The following MCM9 variants were observed in gnomAD, a reference collection of about 807,000 sequenced individuals.
MCM9 encodes the protein DNA helicase MCM9.
Under a neutral mutation model 72.8 loss-of-function variants are expected in MCM9, and 55 were observed. The ratio of observed to expected loss-of-function variants is 0.76; its 90% CI spans 0.61 to 0.95. The LOEUF is 0.95. Ranked by LOEUF, MCM9 falls within the 40% of genes least tolerant of loss-of-function variation. The pLI, the probability that MCM9 is intolerant of heterozygous loss-of-function variation, is 0.00. For synonymous variants in MCM9, 480 were observed against 503.4 expected, an observed-to-expected ratio of 0.95 and a Z score of 0.62; for missense variants, 1,279 against 1,377.0, an observed-to-expected ratio of 0.93 and a Z score of 1.13.
rs1020177576 is a variant in MCM9 at position 118,813,725 on chromosome 6, C to T, written c.*1099G>A. 3.3e-5 allele frequency: 5 copies of T among 152,100 alleles called. No individual in the cohort carries two copies. The highest frequency in any genetic ancestry group is 1.2e-4 in the African/African-American group (5 of 41,414). 9.4% of individuals were successfully genotyped at this position (152,100 alleles called of 1,614,324 possible). Reference sequence around the variant, plus strand: ...AAAGGAATAAGTGATTTTAAAAGCACATAGAAAGACAAAGCTTGAGGTTAT... The same window carrying T: ...AAAGGAATAAGTGATTTTAAAAGCATATAGAAAGACAAAGCTTGAGGTTAT... On this transcript the variant is annotated 3_prime_UTR_variant, in exon 14 of 14. Coordinates refer to ENST00000619706, the MANE Select transcript of MCM9 (RefSeq NM_017696.3).
At chr6:118,819,581 CT>C (rs1321349067) in intron 13 of MCM9, among the ~76,000 whole-genome samples, 3 of 151,274 alleles carry the variant, frequency 2.0e-5, no homozygotes, top group Non-Finnish European at 4.4e-5. Context: ...CCGAAATTTT[CT>C]TTTTTTATTG....
At position 118,911,706 on chromosome 6, in the gene MCM9, G is replaced by A; in HGVS notation, c.1094C>T (p.Ala365Val). Residue 365 changes from alanine (A) to valine (V), a missense_variant, in exon 8 of 14, where the codon GCA becomes GTA. Transcript: ENST00000619706. ...GTGKSQFLKYAAKITPRSVLT... is the reference protein window; with the variant it reads ...GTGKSQFLKYVAKITPRSVLT... Reference sequence around the variant, plus strand: ...CACAGATCTTGGTGTAATCTTTGCTGCATATTTGAGGAACTGAGATTTCCC... The same window carrying A: ...CACAGATCTTGGTGTAATCTTTGCTACATATTTGAGGAACTGAGATTTCCC... 2 of 1,613,706 alleles carry A rather than the reference G, an allele frequency of 1.2e-6. No homozygotes were observed. Among genetic ancestry groups the A allele is most frequent in the Non-Finnish European group, 1.7e-6 (2 of 1,179,826 alleles).
intron 8 of MCM9, among the ~76,000 whole-genome samples, chr6:118,867,023 C>T (rs1041380945): frequency 8.6e-5 from 13 of 151,320 alleles, no homozygotes; most frequent in Admixed American, 5.3e-4. Context: ...TGAGATGATA[C>T]ATTCAACATC....
intron 8 of MCM9, among the ~76,000 whole-genome samples, chr6:118,906,760 A>G (rs574488526): frequency 6.6e-6 from 1 of 152,344 alleles, no homozygotes; most frequent in East Asian, 1.9e-4. Context: ...CAGTTTGGTA[A>G]CTGGTGATTT....
intron 8 of MCM9, among the ~76,000 whole-genome samples, chr6:118,871,679 G>C (rs918504013): frequency 6.6e-6 from 1 of 152,166 alleles, no homozygotes; most frequent in Non-Finnish European, 1.5e-5. Context: ...CACACTGGGA[G>C]GCCAAGGCGG....
At position 118,931,710 on chromosome 6, in the gene MCM9, T is replaced by G. The variant is rs775745442; in HGVS notation, c.14A>C (p.Gln5Pro). The G allele has an allele frequency of 4.0e-5, 65 of 1,610,468 alleles. No individual in the cohort carries two copies. Among genetic ancestry groups the G allele is most frequent in the Non-Finnish European group, 2.7e-5 (32 of 1,177,576 alleles). ...AAACACTTGACCAACCAGTGTAACT[T>G]GATCGCTATTCATCTTGAATCTAGG... MNSD[Q>P]VTLVGQVFES... is the part of the protein sequence containing the mutation. The change falls in exon 3 of 14, where the codon CAA becomes CCA. Residue 5 changes from glutamine (Q) to proline (P), a missense_variant. Physicochemically the swap from Gln to Pro is moderately conservative, Grantham distance 76 (BLOSUM62 -1). Transcript: ENST00000619706.
At chr6:118,910,648 T>A in intron 8 of MCM9, 3 of 985,410 alleles carry the variant, frequency 3.0e-6, no homozygotes, top group Non-Finnish European at 3.6e-6. Flanking sequence ...TACAGAACTC[T>A]AGAACACTGG....
intron 8 of MCM9, among the ~76,000 whole-genome samples, chr6:118,864,844 C>T (rs1777120037): frequency 6.6e-6 from 1 of 152,154 alleles, no homozygotes; most frequent in Non-Finnish European, 1.5e-5. Flanking sequence ...GGGCTTCATC[C>T]CCCAAGAGCA....
At chr6:118,930,405 C>G (rs1195801620) in intron 3 of MCM9, among the ~76,000 whole-genome samples, 2 of 152,204 alleles carry the variant, frequency 1.3e-5, no homozygotes, top group Admixed American at 1.3e-4. Flanking sequence ...AGCCACCGCG[C>G]CCGGCTGCTA....
intron 8 of MCM9, among the ~76,000 whole-genome samples, chr6:118,868,031 C>T (rs1007715194): frequency 2.0e-5 from 3 of 151,860 alleles, no homozygotes; most frequent in Non-Finnish European, 2.9e-5. Context: ...CACGTGCCAC[C>T]ACGTCTGGCT....
chr6:118,894,128 G>A (rs1779170713), intron 8 of MCM9: 1 of 1,197,322 alleles, frequency 8.4e-7, no homozygotes, highest in African/African-American at 1.6e-5. Context: ...TGGCTGCCGA[G>A]GCCCTCGCTG....
chr6:118,860,903 G>C (rs1157215465), intron 8 of MCM9, among the ~76,000 whole-genome samples: 1 of 152,114 alleles, frequency 6.6e-6, no homozygotes, highest in Non-Finnish European at 1.5e-5. Flanking sequence ...ATGTCGCTTT[G>C]CCAGCTGGAA....
Position 118,933,499 on chromosome 6 carries a change from C to T in MCM9, c.-149-759G>A, listed in dbSNP as rs1389035318. On this transcript the variant is annotated intron_variant, in intron 1 of 13. Transcript: ENST00000619706. ...CCAGCCCGGGCACAGAGCGAGACTC[C>T]GCCTCAAAAAAAAAAAAAAAGAGAG... Among the ~76,000 whole-genome samples, 3 of 105,420 alleles carry T rather than the reference C, an allele frequency of 2.8e-5. 1 individual carries two copies. In the Admixed American group the frequency reaches 3.4e-4, roughly 12 times the overall value. 69.2% of individuals were successfully genotyped at this position (105,420 alleles called of 152,430 possible).
intron 9 of MCM9, among the ~76,000 whole-genome samples, chr6:118,851,258 G>A (rs1776208835): frequency 6.6e-6 from 1 of 151,762 alleles, no homozygotes; most frequent in Non-Finnish European, 1.5e-5. Context: ...TCATCCCTGG[G>A]AATAGGCTAC....
intron 5 of MCM9, 33 bp from the exon 6 acceptor site, chr6:118,917,794 G>A (rs1361238367): frequency 6.4e-7 from 1 of 1,564,128 alleles, no homozygotes; most frequent in Non-Finnish European, 8.8e-7. Flanking sequence ...TCCAGCAGTA[G>A]CATCCTGCAT....
At chr6:118,854,729 G>A (rs1382136745) in intron 9 of MCM9, among the ~76,000 whole-genome samples, 2 of 152,156 alleles carry the variant, frequency 1.3e-5, no homozygotes, top group African/African-American at 4.8e-5. Context: ...TTATGAATGA[G>A]TATTTAATTT....
intron 9 of MCM9, among the ~76,000 whole-genome samples, chr6:118,838,159 C>CTTT (rs759862698): frequency 1.9e-4 from 23 of 119,690 alleles, no homozygotes; most frequent in East Asian, 7.3e-4. Flanking sequence ...GTTGAAAATT[C>CTTT]TTTTTTTTTT....
intron 8 of MCM9, chr6:118,911,358 A>C: frequency 9.1e-7 from 1 of 1,100,190 alleles, no homozygotes; most frequent in Non-Finnish European, 1.1e-6. Flanking sequence ...CTGAGTCTTG[A>C]TAAAATGCCA....
intron 9 of MCM9, among the ~76,000 whole-genome samples, chr6:118,830,401 TTAAA>T (rs1309699365): frequency 2.6e-5 from 4 of 152,206 alleles, no homozygotes; most frequent in Non-Finnish European, 4.4e-5. Flanking sequence ...AAGACACTGA[TTAAA>T]TAAATAAGAG....
Sources: gnomAD v4.1 joint callset for allele counts (sites outside exome capture counted in the v4.1 genomes callset) on GRCh38, gnomAD v4.1.1 for gene constraint, MANE v1.5 for transcripts, NCBI Gene and HGNC (gene_info 2026-07-23, HGNC 2026-07-21) for gene names.